Variants in DPYS observed in about 807,000 individuals in gnomAD.
DPYS encodes the protein dihydropyrimidine amidohydrolase.
In DPYS, 39 loss-of-function variants were observed where a neutral mutation model predicts 50.3. The ratio of observed to expected loss-of-function variants is 0.78; its 90% CI spans 0.60 to 1.01. The LOEUF (loss-of-function observed/expected upper bound fraction) is 1.01. Ranked by LOEUF, DPYS falls within the 50% of genes least tolerant of loss-of-function variation. DPYS has a pLI of 0.00. For synonymous variants in DPYS, 245 were observed against 250.7 expected, an observed-to-expected ratio of 0.98 and a Z score of 0.22; for missense variants, 659 against 680.9, an observed-to-expected ratio of 0.97 and a Z score of 0.36.
At position 104,381,294 on chromosome 8, in the gene DPYS, C is replaced by CA; in HGVS notation, c.1463dup (p.Glu489GlyfsTer6). On this transcript the variant is annotated frameshift_variant, in exon 9 of 10. Transcript: ENST00000351513. LOFTEE classifies it high-confidence loss of function. ...CTTCTCCCTTATAGGGTGCACGCTCCACAGGGGTAGGTGTGCAAGTCTGAA... is the reference window on the plus strand; with the variant it reads ...CTTCTCCCTTATAGGGTGCACGCTCCAACAGGGGTAGGTGTGCAAGTCTGAA... 1 of 1,614,158 alleles carries CA rather than the reference C, an allele frequency of 6.2e-7. No individual in the cohort carries two copies. Among genetic ancestry groups the CA allele is most frequent in the Non-Finnish European group, 8.5e-7 (1 of 1,180,006 alleles).
At chr8:104,399,307 AAAAC>A (rs1564083785) in intron 7 of DPYS, among the ~76,000 whole-genome samples, 1 of 37,234 alleles carries the variant, frequency 2.7e-5, no homozygotes, top group Non-Finnish European at 1.0e-4. Context: ...AAAAAAAAAA[AAAAC>A]AACAACAAAA....
Position 104,447,362 on chromosome 8 carries a change from C to T in DPYS, c.565G>A (p.Ala189Thr), listed in dbSNP as rs1813570390. 6.2e-7 allele frequency: 1 copy of T among 1,614,000 alleles called. No homozygotes were observed. The highest frequency in any genetic ancestry group is 8.5e-7 in the Non-Finnish European group (1 of 1,180,028). The change falls in exon 3 of 10, where the codon GCC (alanine) becomes ACC (threonine). Residue 189 changes from alanine (A) to threonine (T), a missense_variant. Physicochemically the swap from Ala to Thr is moderately conservative, Grantham distance 58 (BLOSUM62 0). Coordinates refer to ENST00000351513, the MANE Select transcript of DPYS (RefSeq NM_001385.3). ...FSRCKEIGAIAQVHAENGDLI... is the reference protein window; with the variant it reads ...FSRCKEIGAITQVHAENGDLI... ...TCTCCATTTTCCGCATGGACCTGGG[C>T]AATTGCTCCAATTTCCTTGCACCGA...
At chr8:104,420,055 T>C (rs2140605669) in intron 7 of DPYS, 1 of 76,498 alleles carries the variant, frequency 1.3e-5, no homozygotes, top group East Asian at 3.0e-4. Context: ...AAAATGGAAC[T>C]AGACTCAAGA....
chr8:104,464,658 TAC>T (rs1416115797), intron 1 of DPYS, among the ~76,000 whole-genome samples: 3 of 152,180 alleles, frequency 2.0e-5, no homozygotes, highest in African/African-American at 7.2e-5. Context: ...AATATAGGTG[TAC>T]ACACACAGAC....
At chr8:104,433,622 C>T (rs1309131102) in intron 4 of DPYS, among the ~76,000 whole-genome samples, 3 of 152,094 alleles carry the variant, frequency 2.0e-5, no homozygotes, top group South Asian at 2.1e-4. Flanking sequence ...CAACAGAACG[C>T]GACTCTTTTT....
In DPYS at chr8:104,401,288, GTATTATTATTAT is replaced by G. The variant is rs34804847; in HGVS notation, c.1236-8309_1236-8298del. ...ATCATGACATCTTCCTATGAGGTAG[GTATTATTATTAT>G]TATTATTATTATTATTATTATTATT... On this transcript the variant is annotated intron_variant, in intron 7 of 9. Coordinates refer to ENST00000351513, the MANE Select transcript of DPYS (RefSeq NM_001385.3). 6.8e-3 allele frequency among the ~76,000 whole-genome samples: 966 copies of G among 143,034 alleles called. 5 individuals are homozygous for G. Among genetic ancestry groups the G allele is most frequent in the African/African-American group, 0.022 (851 of 38,432 alleles). 93.8% of individuals were successfully genotyped at this position (143,034 alleles called of 152,430 possible).
At chr8:104,412,086 A>C (rs1288565603) in intron 7 of DPYS, among the ~76,000 whole-genome samples, 1 of 152,196 alleles carries the variant, frequency 6.6e-6, no homozygotes, top group African/African-American at 2.4e-5. Context: ...GAGGGCACCA[A>C]GGAAGTGTTC....
chr8:104,445,906 G>A (rs555138497), intron 3 of DPYS, among the ~76,000 whole-genome samples: 117 of 152,204 alleles, frequency 7.7e-4, no homozygotes, highest in African/African-American at 2.3e-3. Flanking sequence ...TTAGCCGGGC[G>A]TGGTGGCGGG....
chr8:104,452,780 G>T (rs1360500947), intron 1 of DPYS, among the ~76,000 whole-genome samples: 1 of 152,218 alleles, frequency 6.6e-6, no homozygotes, highest in Non-Finnish European at 1.5e-5. Flanking sequence ...GTTTGAGGCT[G>T]CAGTGAGCTA....
intron 7 of DPYS, among the ~76,000 whole-genome samples, chr8:104,399,303 A>G (rs768753183): frequency 2.6e-5 from 1 of 37,774 alleles, no homozygotes; most frequent in Admixed American, 1.8e-4. Flanking sequence ...AAAAAAAAAA[A>G]AAAAAAACAA....
Position 104,396,825 on chromosome 8 carries a change from C to CAA in DPYS, c.1236-3836_1236-3835dup, listed in dbSNP as rs5893686. Among the ~76,000 whole-genome samples, 294 of 131,522 alleles carry CAA rather than the reference C, an allele frequency of 2.2e-3. 4 individuals carry two copies. Among genetic ancestry groups the CAA allele is most frequent in the Middle Eastern group, 3.8e-3 (1 of 260 alleles). The allele number at this position is 131,522 out of a possible 152,430, so 86.3% of individuals were successfully genotyped here. On this transcript the variant is annotated intron_variant, in intron 7 of 9. Transcript: ENST00000351513. Reference sequence around the variant, plus strand: ...CAAATCAGATTTCTTTGCCTCATACCAAAAAAAAAAAAAAAGGTCATTATG... The same window carrying CAA: ...CAAATCAGATTTCTTTGCCTCATACCAAAAAAAAAAAAAAAAAGGTCATTATG...
chr8:104,386,226 G>A (rs1482200663), intron 8 of DPYS, among the ~76,000 whole-genome samples: 1 of 152,162 alleles, frequency 6.6e-6, no homozygotes, highest in African/African-American at 2.4e-5. Flanking sequence ...GAAGACATAA[G>A]TTGATAGTAA....
chr8:104,408,371 G>A lies in DPYS; in HGVS notation c.1236-15380C>T, dbSNP rs1267346116. Among the ~76,000 whole-genome samples, 3 of 152,030 alleles carry A rather than the reference G, an allele frequency of 2.0e-5. 1 individual carries two copies. Among genetic ancestry groups the A allele is most frequent in the African/African-American group, 2.4e-5 (1 of 41,408 alleles). On this transcript the variant is annotated intron_variant, in intron 7 of 9. Transcript: ENST00000351513. ...AATATTATGTTACCAAAAGAAACAT[G>A]AACAAAGGGCATGAATAGATATTTC...
chr8:104,391,470 TG>T (rs1811386446), intron 8 of DPYS, among the ~76,000 whole-genome samples: 2 of 152,232 alleles, frequency 1.3e-5, no homozygotes, highest in Non-Finnish European at 2.9e-5. Flanking sequence ...TGGACCCATG[TG>T]GGATTGAGGA....
intron 1 of DPYS, among the ~76,000 whole-genome samples, chr8:104,459,742 C>CA (rs1465445729): frequency 6.6e-6 from 1 of 152,188 alleles, no homozygotes; most frequent in African/African-American, 2.4e-5. Flanking sequence ...CTAGGAGTTT[C>CA]ACAACCAGGG....
intron 1 of DPYS, among the ~76,000 whole-genome samples, chr8:104,456,208 A>C (rs903195215): frequency 6.6e-6 from 1 of 152,208 alleles, no homozygotes; most frequent in Non-Finnish European, 1.5e-5. Context: ...GTGTAAGTAC[A>C]CACTATGATG....
chr8:104,419,034 A>G, intron 7 of DPYS: 1 of 985,488 alleles, frequency 1.0e-6, no homozygotes, highest in South Asian at 4.7e-5. Flanking sequence ...GCTCTGCTTA[A>G]CAAACTCGTT....
chr8:104,394,217 C>T (rs2853154), intron 7 of DPYS, among the ~76,000 whole-genome samples: 86,145 of 152,032 alleles, frequency 0.57, 28,768 homozygotes, highest in Non-Finnish European at 0.76. Context: ...AAAGTTCCCC[C>T]AGCCTTATTT....
intron 1 of DPYS, among the ~76,000 whole-genome samples, chr8:104,461,572 G>A (rs1031491602): frequency 2.5e-4 from 38 of 152,114 alleles, no homozygotes; most frequent in African/African-American, 8.9e-4. Context: ...GATAAACACT[G>A]GAGATCACCA....
Sources: allele counts gnomAD v4.1 joint callset (sites outside exome capture counted in the v4.1 genomes callset), GRCh38; gene constraint gnomAD v4.1.1; transcripts MANE v1.5; gene names NCBI Gene and HGNC (gene_info 2026-07-23, HGNC 2026-07-21).